HS2ST1: variants seen among roughly 807,000 people sequenced by gnomAD.
HS2ST1 encodes 2-O-sulfotransferase.
HS2ST1 carries 18 observed loss-of-function variants against 42.9 expected under a neutral mutation model. The observed-to-expected ratio is 0.42, with a 90% CI of 0.29 to 0.62. The LOEUF is 0.62. HS2ST1 is among the 20% of genes least tolerant of loss of function. The pLI is 0.21. For synonymous variants in HS2ST1, 146 were observed against 152.9 expected, an observed-to-expected ratio of 0.95 and a Z score of 0.33; for missense variants, 334 against 433.8, an observed-to-expected ratio of 0.77 and a Z score of 2.04.
At chr1:86,945,041 C>T (rs1199732) in intron 1 of HS2ST1, among the ~76,000 whole-genome samples, 36,227 of 151,936 alleles carry the variant, frequency 0.24, 5,081 homozygotes, top group African/African-American at 0.38. Flanking sequence ...ATTTTCTTGA[C>T]GGTTAATAGT....
chr1:86,998,420 A>G (rs1570473552), intron 1 of HS2ST1, among the ~76,000 whole-genome samples: 1 of 152,170 alleles, frequency 6.6e-6, no homozygotes, highest in East Asian at 1.9e-4. Context: ...CAATAAGTCC[A>G]TTTCACTAGA....
chr1:87,018,283 G>A (rs1178214791), intron 1 of HS2ST1, among the ~76,000 whole-genome samples: 1 of 152,108 alleles, frequency 6.6e-6, no homozygotes, highest in East Asian at 1.9e-4. Flanking sequence ...ACTTTTGTCA[G>A]TTAAGGGTAC....
intron 1 of HS2ST1, among the ~76,000 whole-genome samples, chr1:86,975,112 T>C (rs1337452839): frequency 6.6e-6 from 1 of 152,162 alleles, no homozygotes; most frequent in Non-Finnish European, 1.5e-5. Context: ...CATACCCTTA[T>C]GTATCTACAT....
chr1:87,034,570 T>TAG (rs1235651266), intron 1 of HS2ST1, among the ~76,000 whole-genome samples: 1 of 152,208 alleles, frequency 6.6e-6, no homozygotes, highest in Non-Finnish European at 1.5e-5. Flanking sequence ...GTACTCTAGC[T>TAG]AGTACAATGA....
chr1:87,056,598 A>G (rs1650976144), intron 1 of HS2ST1, among the ~76,000 whole-genome samples: 1 of 152,228 alleles, frequency 6.6e-6, no homozygotes, highest in Non-Finnish European at 1.5e-5. Context: ...TTAGTTGCCA[A>G]TTATAAAATT....
chr1:86,935,669 G>A (rs1479949882), intron 1 of HS2ST1, among the ~76,000 whole-genome samples: 1 of 151,684 alleles, frequency 6.6e-6, no homozygotes, highest in African/African-American at 2.4e-5. Flanking sequence ...TTGCCGTGTT[G>A]ACCAGGCTAG....
chr1:87,057,455 A>G (rs1650998052), intron 1 of HS2ST1, among the ~76,000 whole-genome samples: 1 of 151,956 alleles, frequency 6.6e-6, no homozygotes, highest in Admixed American at 6.6e-5. Context: ...TTCTAAGCTT[A>G]TTAAGAACCA....
At chr1:87,104,385 C>T (rs1481404285) in intron 6 of HS2ST1, 85 bp from the exon 7 acceptor site, 6 of 825,864 alleles carry the variant, frequency 7.3e-6, no homozygotes, top group Non-Finnish European at 1.2e-5. Flanking sequence ...TCATATTAAC[C>T]ACCTCTTCAA....
chr1:87,013,916 A>G (rs1272947197), intron 1 of HS2ST1, among the ~76,000 whole-genome samples: 1 of 152,186 alleles, frequency 6.6e-6, no homozygotes, highest in Admixed American at 6.5e-5. Flanking sequence ...TTGCTAAAAC[A>G]TAGTAAGAGT....
chr1:87,023,972 A>G (rs1451952102), intron 1 of HS2ST1, among the ~76,000 whole-genome samples: 1 of 152,218 alleles, frequency 6.6e-6, no homozygotes, highest in Non-Finnish European at 1.5e-5. Flanking sequence ...CAGAGTTGGC[A>G]TTAGGAGGCA....
chr1:86,968,874 A>C (rs1473587343), intron 1 of HS2ST1, among the ~76,000 whole-genome samples: 1 of 152,246 alleles, frequency 6.6e-6, no homozygotes, highest in African/African-American at 2.4e-5. Context: ...GTTGTAAACT[A>C]ATTTTATTCT....
At chr1:86,920,342 T>C (rs1400232578) in intron 1 of HS2ST1, among the ~76,000 whole-genome samples, 1 of 152,254 alleles carries the variant, frequency 6.6e-6, no homozygotes, top group Non-Finnish European at 1.5e-5. Context: ...TGGTAGTTTT[T>C]ACAAGTAAGT....
chr1:86,977,264 A>G (rs1172607495), intron 1 of HS2ST1, among the ~76,000 whole-genome samples: 2 of 152,224 alleles, frequency 1.3e-5, no homozygotes, highest in Non-Finnish European at 2.9e-5. Flanking sequence ...CAGACAATGT[A>G]TACACTAGTA....
rs930816306 is a variant in HS2ST1 at position 87,108,262 on chromosome 1, AT to A, written c.*3567del. 4 of 152,126 alleles carry A rather than the reference AT, an allele frequency of 2.6e-5. No individual in the cohort carries two copies. Among genetic ancestry groups the A allele is most frequent in the African/African-American group, 9.7e-5 (4 of 41,444 alleles). The allele number at this position is 152,126 out of a possible 1,614,324, so 9.4% of individuals were successfully genotyped here. ...AGCTGGCATTTTAATTTAAATTCAA[AT>A]CTACATAGAGAACATCTGTGTAAAT... On this transcript the variant is annotated 3_prime_UTR_variant, in exon 7 of 7. Coordinates refer to ENST00000370550, the MANE Select transcript of HS2ST1 (RefSeq NM_012262.4).
chr1:86,989,016 A>G (rs1648870970), intron 1 of HS2ST1, among the ~76,000 whole-genome samples: 1 of 152,228 alleles, frequency 6.6e-6, no homozygotes, highest in South Asian at 2.1e-4. Context: ...TGGGCATGTG[A>G]TCTTAATGGT....
At chr1:87,001,229 T>C (rs748095040) in intron 1 of HS2ST1, among the ~76,000 whole-genome samples, 1 of 152,148 alleles carries the variant, frequency 6.6e-6, no homozygotes, top group Non-Finnish European at 1.5e-5. Context: ...GTACACAGGC[T>C]ACTCCTCATA....
intron 1 of HS2ST1, chr1:87,064,510 G>T: frequency 1.9e-6 from 1 of 518,544 alleles, no homozygotes; most frequent in African/African-American, 1.9e-5. Flanking sequence ...ACCATAACTT[G>T]TAAGTTTTAA....
intron 1 of HS2ST1, among the ~76,000 whole-genome samples, chr1:87,071,740 A>G (rs1403782838): frequency 1.3e-5 from 2 of 151,898 alleles, no homozygotes; most frequent in Admixed American, 6.6e-5. Flanking sequence ...AAAAAAAAAA[A>G]AAAAAAGATG....
chr1:86,947,692 A>G (rs577652284), intron 1 of HS2ST1, among the ~76,000 whole-genome samples: 1 of 151,826 alleles, frequency 6.6e-6, no homozygotes, highest in African/African-American at 2.4e-5. Context: ...AGCCAGGTGT[A>G]TAGATAAGAA....
Sources: allele counts gnomAD v4.1 joint callset (sites outside exome capture counted in the v4.1 genomes callset), GRCh38; gene constraint gnomAD v4.1.1; transcripts MANE v1.5; gene names NCBI Gene and HGNC (gene_info 2026-07-23, HGNC 2026-07-21).